Variants in RBFOX1 observed in about 807,000 individuals in gnomAD.
The protein encoded by RBFOX1 is RNA binding protein fox-1 homolog 1.
In RBFOX1, 8 loss-of-function variants were observed where a neutral mutation model predicts 57.7. That is an observed-to-expected ratio of 0.14 (90% confidence interval 0.08 to 0.25). RBFOX1 has a LOEUF of 0.25. RBFOX1 is among the 10% of genes least tolerant of loss of function. The pLI, the probability that RBFOX1 is intolerant of heterozygous loss-of-function variation, is 1.00. For synonymous variants in RBFOX1, 326 were observed against 222.4 expected, an observed-to-expected ratio of 1.47 and a Z score of -4.15; for missense variants, 611 against 548.5, an observed-to-expected ratio of 1.11 and a Z score of -1.14.
At chr16:6,068,301 C>T (rs1173473475) in intron 1 of RBFOX1, among the ~76,000 whole-genome samples, 4 of 152,124 alleles carry the variant, frequency 2.6e-5, no homozygotes, top group African/African-American at 4.8e-5. Context: ...CAGGCCAGGT[C>T]GCACTAACAC....
chr16:6,550,714 A>T (rs79528272), intron 2 of RBFOX1, among the ~76,000 whole-genome samples: 2,567 of 152,292 alleles, frequency 0.017, 83 homozygotes, highest in African/African-American at 0.058. Flanking sequence ...CCCCACTGAA[A>T]TTGTTATACT....
intron 4 of RBFOX1, among the ~76,000 whole-genome samples, chr16:7,423,761 C>G (rs1335829209): frequency 6.6e-6 from 1 of 152,144 alleles, no homozygotes; most frequent in African/African-American, 2.4e-5. Flanking sequence ...TGTTCTGTGT[C>G]TCTCCTCACC....
chr16:7,577,671 AG>A (rs1206803542), intron 5 of RBFOX1, among the ~76,000 whole-genome samples: 1 of 152,236 alleles, frequency 6.6e-6, no homozygotes, highest in Non-Finnish European at 1.5e-5. Flanking sequence ...GCAGAGGCAG[AG>A]GCAGGAGGAT....
intron 1 of RBFOX1, among the ~76,000 whole-genome samples, chr16:5,305,496 C>T (rs2151207109): frequency 6.6e-6 from 1 of 152,214 alleles, no homozygotes; most frequent in Non-Finnish European, 1.5e-5. Flanking sequence ...TCTTTAAAGA[C>T]CATGTTTTAC....
At chr16:7,248,939 C>G (rs953333125) in intron 4 of RBFOX1, among the ~76,000 whole-genome samples, 3 of 152,164 alleles carry the variant, frequency 2.0e-5, no homozygotes, top group Non-Finnish European at 4.4e-5. Context: ...GCGGGTAGCA[C>G]CATCTTGTTC....
At chr16:5,901,138 G>A (rs1283451169) in intron 4 of RBFOX1, among the ~76,000 whole-genome samples, 1 of 152,152 alleles carries the variant, frequency 6.6e-6, no homozygotes, top group African/African-American at 2.4e-5. Flanking sequence ...TGGCGTCTCA[G>A]CAGCAGCCCA....
intron 2 of RBFOX1, among the ~76,000 whole-genome samples, chr16:6,560,571 G>C (rs2097167581): frequency 6.6e-6 from 1 of 152,160 alleles, no homozygotes; most frequent in African/African-American, 2.4e-5. Context: ...TGAGTTGAGG[G>C]AAGAAGCAAG....
chr16:6,077,943 G>A (rs1335524540), intron 1 of RBFOX1, among the ~76,000 whole-genome samples: 2 of 152,064 alleles, frequency 1.3e-5, no homozygotes, highest in Non-Finnish European at 2.9e-5. Flanking sequence ...ATGAGCTGTT[G>A]CCCCCAGGAA....
At chr16:6,925,320 T>G (rs925148844) in intron 3 of RBFOX1, among the ~76,000 whole-genome samples, 3 of 151,430 alleles carry the variant, frequency 2.0e-5, no homozygotes, top group Non-Finnish European at 4.4e-5. Flanking sequence ...AGATAGGGTT[T>G]CGTCCTGTTG....
At chr16:6,515,773 C>A (rs75202558) in intron 2 of RBFOX1, among the ~76,000 whole-genome samples, 2,047 of 152,250 alleles carry the variant, frequency 0.013, 25 homozygotes, top group Non-Finnish European at 0.022. Flanking sequence ...ATACTTGCAC[C>A]TGCTGTTTCC....
chr16:7,187,025 A>T (rs867498419), intron 4 of RBFOX1, among the ~76,000 whole-genome samples: 1 of 150,124 alleles, frequency 6.7e-6, no homozygotes, highest in Non-Finnish European at 1.5e-5. Context: ...AAAATTCAGA[A>T]ATTAGCTGGA....
chr16:6,693,141 C>T (rs1367424861), intron 3 of RBFOX1, among the ~76,000 whole-genome samples: 4 of 151,422 alleles, frequency 2.6e-5, no homozygotes, highest in African/African-American at 9.7e-5. Flanking sequence ...TCATCACCAT[C>T]ATCCTCCTCC....
At chr16:6,399,345 G>C (rs930788973) in intron 2 of RBFOX1, among the ~76,000 whole-genome samples, 5 of 152,190 alleles carry the variant, frequency 3.3e-5, no homozygotes, top group African/African-American at 1.2e-4. Context: ...TCAGCTCCTT[G>C]TTACTTATGC....
chr16:6,947,373 C>T (rs1228902462), intron 3 of RBFOX1, among the ~76,000 whole-genome samples: 1 of 152,182 alleles, frequency 6.6e-6, no homozygotes, highest in African/African-American at 2.4e-5. Flanking sequence ...GAGCCTTTTG[C>T]ATCTTAATCG....
intron 4 of RBFOX1, among the ~76,000 whole-genome samples, chr16:7,431,720 C>A (rs989629783): frequency 1.3e-5 from 2 of 152,196 alleles, no homozygotes; most frequent in African/African-American, 4.8e-5. Context: ...CTCTCCTTAG[C>A]CTCTGGCAAT....
intron 14 of RBFOX1, among the ~76,000 whole-genome samples, chr16:7,678,215 A>C (rs2073883118): frequency 6.6e-6 from 1 of 152,200 alleles, no homozygotes; most frequent in African/African-American, 2.4e-5. Flanking sequence ...AAGGTTCTCA[A>C]TACATAAATT....
chr16:6,210,342 A>C (rs2097285765), intron 1 of RBFOX1, among the ~76,000 whole-genome samples: 1 of 80,268 alleles, frequency 1.2e-5, no homozygotes, highest in African/African-American at 3.1e-5. Flanking sequence ...AAAAACAAAA[A>C]AACAAAAAAA....
chr16:6,825,203 T>C (rs7195837), intron 3 of RBFOX1, among the ~76,000 whole-genome samples: 52,881 of 149,042 alleles, frequency 0.35, 11,338 homozygotes, highest in Non-Finnish European at 0.48. Context: ...GGCTGACGTG[T>C]TTTGGGAGGC....
chr16:6,218,741 G>A (rs13330142), intron 1 of RBFOX1, among the ~76,000 whole-genome samples: 4,374 of 152,056 alleles, frequency 0.029, 192 homozygotes, highest in African/African-American at 0.094. Context: ...TAATCCCTGG[G>A]AACTTCCACT....
Sources: gnomAD v4.1 joint callset for allele counts (sites outside exome capture counted in the v4.1 genomes callset) on GRCh38, gnomAD v4.1.1 for gene constraint, MANE v1.5 for transcripts, NCBI Gene and HGNC (gene_info 2026-07-23, HGNC 2026-07-21) for gene names.